The following ROR1 variants were observed in gnomAD, a reference collection of about 807,000 sequenced individuals.
The protein encoded by ROR1 is inactive tyrosine-protein kinase transmembrane receptor ROR1.
Under a neutral mutation model 78.8 loss-of-function variants are expected in ROR1, and 19 were observed. The observed-to-expected ratio is 0.24, with a 90% CI of 0.17 to 0.35. The LOEUF (loss-of-function observed/expected upper bound fraction) is 0.35, where lower values mean the gene tolerates loss of function less well. ROR1 is among the 10% of genes least tolerant of loss of function. The probability of loss-of-function intolerance (pLI) is 1.00; values close to 1 mark genes in which losing one functional copy is unlikely to be tolerated. For synonymous variants in ROR1, 386 were observed against 433.6 expected, an observed-to-expected ratio of 0.89 and a Z score of 1.36; for missense variants, 917 against 1,177.8, an observed-to-expected ratio of 0.78 and a Z score of 3.24.
chr1:63,957,992 TCGG>T (rs1203488255), intron 1 of ROR1, among the ~76,000 whole-genome samples: 1 of 152,136 alleles, frequency 6.6e-6, no homozygotes, highest in Non-Finnish European at 1.5e-5. Flanking sequence ...TCTGCCTGCC[TCGG>T]CCTCTCAAAG....
chr1:63,799,866 G>T (rs1222595916), intron 1 of ROR1, among the ~76,000 whole-genome samples: 1 of 152,166 alleles, frequency 6.6e-6, no homozygotes, highest in African/African-American at 2.4e-5. Flanking sequence ...TTTTATGGCA[G>T]ACGAGGGAGA....
chr1:63,903,273 C>T (rs968522471), intron 1 of ROR1, among the ~76,000 whole-genome samples: 1 of 152,188 alleles, frequency 6.6e-6, no homozygotes, highest in Admixed American at 6.5e-5. Context: ...GCCTTTTCTT[C>T]ATTAAATCTT....
chr1:64,035,563 AG>A (rs3835566), intron 2 of ROR1, among the ~76,000 whole-genome samples: 97,591 of 151,844 alleles, frequency 0.64, 35,128 homozygotes, highest in East Asian at 0.82. Flanking sequence ...GTTACGCCAG[AG>A]TCTCTTTCCC....
chr1:64,108,949 A>G (rs1557656041), intron 4 of ROR1, among the ~76,000 whole-genome samples: 1 of 152,172 alleles, frequency 6.6e-6, no homozygotes, highest in Non-Finnish European at 1.5e-5. Flanking sequence ...AAACCCAGGG[A>G]AAATGATTTA....
chr1:63,982,115 A>T (rs1026332212), intron 1 of ROR1, among the ~76,000 whole-genome samples: 1 of 152,158 alleles, frequency 6.6e-6, no homozygotes, highest in Non-Finnish European at 1.5e-5. Context: ...AACCTTACAA[A>T]TTATTATCCC....
chr1:64,177,989 A>G lies in ROR1; in HGVS notation c.1948A>G (p.Ser650Gly), dbSNP rs137965709. Residue 650 changes from serine (S) to glycine (G), a missense_variant, in exon 9 of 9, where the codon AGT becomes GGT. This residue lies in a region of ROR1 where 835 missense variants were observed against 1,069.8 expected (regional missense o/e 0.78). Transcript: ENST00000371079. ...CTCCGCTGATTACTACAGGGTCCAG[A>G]GTAAGTCCTTGCTGCCCATTCGCTG... ...IYSADYYRVQSKSLLPIRWMP... is the reference protein window; with the variant it reads ...IYSADYYRVQGKSLLPIRWMP... The G allele has an allele frequency of 6.2e-7, 1 of 1,614,216 alleles. No individual in the cohort carries two copies. The highest frequency in any genetic ancestry group is 1.1e-5 in the South Asian group (1 of 91,078).
intron 4 of ROR1, among the ~76,000 whole-genome samples, chr1:64,056,388 T>G (rs928909162): frequency 2.0e-5 from 3 of 151,110 alleles, no homozygotes; most frequent in Non-Finnish European, 4.4e-5. Flanking sequence ...AAATTTATTA[T>G]AGCCAGCCGG....
chr1:63,837,533 G>A (rs1183326681), intron 1 of ROR1, among the ~76,000 whole-genome samples: 1 of 152,184 alleles, frequency 6.6e-6, no homozygotes, highest in Non-Finnish European at 1.5e-5. Flanking sequence ...AGCAATTTCA[G>A]TGTGTCATAT....
intron 4 of ROR1, among the ~76,000 whole-genome samples, chr1:64,066,308 T>C (rs1042041086): frequency 2.7e-5 from 4 of 150,372 alleles, no homozygotes; most frequent in Non-Finnish European, 5.9e-5. Flanking sequence ...CATATGTAAT[T>C]TTAAACTCAC....
chr1:64,141,614 A>G (rs770588271), intron 6 of ROR1, among the ~76,000 whole-genome samples: 5 of 152,130 alleles, frequency 3.3e-5, no homozygotes, highest in Non-Finnish European at 5.9e-5. Context: ...CCCCTACCCC[A>G]TCAGCAGCAC....
chr1:64,029,274 G>T lies in ROR1; in HGVS notation c.163+19898G>T, dbSNP rs374967585. Among the ~76,000 whole-genome samples the T allele has an allele frequency of 1.6e-4, 24 of 152,228 alleles. No homozygotes were observed. The South Asian group carries it at 5.0e-3, about 32-fold the overall frequency. Reference sequence around the variant, plus strand: ...AACAAAGAAGAAATCTGAGCTCAGAGAGGTTGAGTAACCTCAGGTCATGTA... The same window carrying T: ...AACAAAGAAGAAATCTGAGCTCAGATAGGTTGAGTAACCTCAGGTCATGTA... On this transcript the variant is annotated intron_variant, in intron 2 of 8. Coordinates refer to ENST00000371079, the MANE Select transcript of ROR1 (RefSeq NM_005012.4).
chr1:63,846,296 C>T (rs1283126477), intron 1 of ROR1, among the ~76,000 whole-genome samples: 1 of 151,990 alleles, frequency 6.6e-6, no homozygotes, highest in Non-Finnish European at 1.5e-5. Flanking sequence ...CTCAATGCAC[C>T]TTTTCTTTGT....
chr1:64,017,931 G>A (rs969426784), intron 2 of ROR1, among the ~76,000 whole-genome samples: 18 of 152,152 alleles, frequency 1.2e-4, no homozygotes, highest in Admixed American at 1.3e-4. Context: ...TGGCTAAGAC[G>A]AGGCACATTT....
chr1:63,974,950 C>T (rs1223341196), intron 1 of ROR1, among the ~76,000 whole-genome samples: 1 of 152,210 alleles, frequency 6.6e-6, no homozygotes, highest in Non-Finnish European at 1.5e-5. Context: ...CTCATTGTGC[C>T]TCAGTTTTAT....
At chr1:63,802,164 G>T (rs986487836) in intron 1 of ROR1, among the ~76,000 whole-genome samples, 2 of 152,142 alleles carry the variant, frequency 1.3e-5, no homozygotes, top group African/African-American at 4.8e-5. Context: ...ATTCTGTAAA[G>T]TACACAATTT....
chr1:63,793,990 G>A (rs538282388), intron 1 of ROR1, among the ~76,000 whole-genome samples: 5 of 152,168 alleles, frequency 3.3e-5, no homozygotes, highest in Non-Finnish European at 4.4e-5. Context: ...AGATAGAACT[G>A]CCGCTAATGC....
intron 8 of ROR1, among the ~76,000 whole-genome samples, chr1:64,166,567 C>A (rs1286545012): frequency 1.3e-5 from 2 of 150,556 alleles, no homozygotes; most frequent in Non-Finnish European, 2.9e-5. Context: ...TTTAATGAAG[C>A]AAATGCTGTG....
chr1:64,083,409 A>G (rs834350), intron 4 of ROR1, among the ~76,000 whole-genome samples: 77,796 of 151,988 alleles, frequency 0.51, 23,276 homozygotes, highest in African/African-American at 0.83. Flanking sequence ...CAGGAATGAA[A>G]AAGAAACATA....
rs72683042 is a variant in ROR1 at position 63,829,991 on chromosome 1, G to A, written c.91+55483G>A. On this transcript the variant is annotated intron_variant, in intron 1 of 8. Coordinates refer to ENST00000371079, the MANE Select transcript of ROR1 (RefSeq NM_005012.4). ...GCTTAAATTCTGTTTGAATCTGACT[G>A]GTGAATATCATAGCAATGAGGCCAA... 2.5e-3 allele frequency among the ~76,000 whole-genome samples: 375 copies of A among 151,842 alleles called. 1 individual carries two copies. Among genetic ancestry groups the A allele is most frequent in the Non-Finnish European group, 4.0e-3 (271 of 67,946 alleles).
Sources: allele counts gnomAD v4.1 joint callset (sites outside exome capture counted in the v4.1 genomes callset), GRCh38; gene constraint gnomAD v4.1.1; regional missense constraint gnomAD v4.1.1; transcripts MANE v1.5; gene names NCBI Gene and HGNC (gene_info 2026-07-23, HGNC 2026-07-21).